Variants in ARHGAP6 observed in about 807,000 individuals in gnomAD.
The protein encoded by ARHGAP6 is rho GTPase-activating protein 6.
A neutral mutation model predicts 55.7 loss-of-function variants in ARHGAP6; 16 were observed. That is an observed-to-expected ratio of 0.29 (90% CI 0.19 to 0.44). ARHGAP6 has a LOEUF of 0.44. Among genes scored for constraint, ARHGAP6 ranks in the 20% least tolerant of loss-of-function variants. The pLI is 1.00. For missense variants in ARHGAP6, 698 were observed against 808.9 expected, an observed-to-expected ratio of 0.86 and a Z score of 1.66; for synonymous variants, 382 against 360.9, an observed-to-expected ratio of 1.06 and a Z score of -0.66.
chrX:11,204,434 C>T (rs1198435166), intron 2 of ARHGAP6, among the ~76,000 whole-genome samples: 6 of 111,561 alleles, frequency 5.4e-5, no homozygotes, highest in Non-Finnish European at 7.5e-5. Context: ...GAGACTGAGA[C>T]GATAACATAA....
At chrX:11,604,760 G>A (rs1455667958) in intron 1 of ARHGAP6, among the ~76,000 whole-genome samples, 1 of 112,383 alleles carries the variant, frequency 8.9e-6, no homozygotes, top group Non-Finnish European at 1.9e-5. Flanking sequence ...AGAAAGAAGA[G>A]TTGACTTGCA....
intron 1 of ARHGAP6, among the ~76,000 whole-genome samples, chrX:11,398,539 G>T (rs1603176758): frequency 1.8e-5 from 2 of 111,526 alleles, no homozygotes; most frequent in East Asian, 5.6e-4. Flanking sequence ...TTTTTTCCTA[G>T]ATATAAGAAA....
intron 1 of ARHGAP6, among the ~76,000 whole-genome samples, chrX:11,605,091 T>C (rs1248087872): frequency 9.0e-6 from 1 of 111,388 alleles, no homozygotes; most frequent in Non-Finnish European, 1.9e-5. Context: ...TGGGAAGCCA[T>C]GCTAAGTAAC....
At chrX:11,334,729 A>C (rs770219512) in intron 1 of ARHGAP6, 37 of 231,635 alleles carry the variant, frequency 1.6e-4, no homozygotes, top group African/African-American at 1.0e-3. Flanking sequence ...GCTCTGTTCA[A>C]TGAAGTTGCA....
At chrX:11,518,316 A>G (rs1328242886) in intron 1 of ARHGAP6, among the ~76,000 whole-genome samples, 1 of 109,583 alleles carries the variant, frequency 9.1e-6, no homozygotes, top group African/African-American at 3.3e-5. Context: ...ATTATTTTCA[A>G]TTGTTTTTCG....
intron 1 of ARHGAP6, among the ~76,000 whole-genome samples, chrX:11,443,500 C>T (rs2050062511): frequency 8.9e-6 from 1 of 111,973 alleles, no homozygotes; most frequent in Non-Finnish European, 1.9e-5. Flanking sequence ...TTATACCAAC[C>T]CACAGTGCCA....
rs1460351842 is a variant in ARHGAP6 at position 11,521,560 on chromosome X, G to A, written c.588+142681C>T. Among the ~76,000 whole-genome samples the A allele has an allele frequency of 2.7e-5, 3 of 111,881 alleles. No homozygotes were observed. The East Asian group carries it at 8.3e-4, about 31-fold the overall frequency. ...GTACCATGCTGTTTTGGTTACTGTA[G>A]CCTTATAGTGTAGTTTGAAGTCAGG... On this transcript the variant is annotated intron_variant, in intron 1 of 12. Transcript: ENST00000337414.
At position 11,263,715 on chromosome X, in the gene ARHGAP6, C is replaced by T. The variant is rs2047589970; in HGVS notation, c.589-9008G>A. On this transcript the variant is annotated intron_variant, in intron 1 of 12. Transcript: ENST00000337414. ...CAGAGACTGGTTGACATAGGTATAG[C>T]ATAGCCTGGTGGCTAAAAGCAAGGG... Among the ~76,000 whole-genome samples, 3 of 111,395 alleles carry T rather than the reference C, an allele frequency of 2.7e-5. No individual in the cohort carries two copies. In the South Asian group the frequency reaches 1.1e-3, roughly 42 times the overall value.
chrX:11,656,602 A>T (rs1307718792), intron 1 of ARHGAP6, among the ~76,000 whole-genome samples: 1 of 111,183 alleles, frequency 9.0e-6, no homozygotes, highest in Non-Finnish European at 1.9e-5. Context: ...GAAGTGTAGC[A>T]TCTTCAAAAT....
chrX:11,483,395 T>C (rs1265678768), intron 1 of ARHGAP6, among the ~76,000 whole-genome samples: 1 of 111,910 alleles, frequency 8.9e-6, no homozygotes, highest in East Asian at 2.8e-4. Flanking sequence ...TAAAGAGAAG[T>C]CCACTGGGGG....
chrX:11,417,105 T>TATATATATAC (rs1406504776), intron 1 of ARHGAP6, among the ~76,000 whole-genome samples: 30 of 75,838 alleles, frequency 4.0e-4, no homozygotes, highest in African/African-American at 1.4e-3. Flanking sequence ...TATATATATA[T>TATATATATAC]ACACATACAT....
chrX:11,334,699 TGACAGA>T (rs1243393167), intron 1 of ARHGAP6: 8 of 189,414 alleles, frequency 4.2e-5, no homozygotes, highest in Non-Finnish European at 3.0e-5. Context: ...GGCACATGAT[TGACAGA>T]GACAAACATT....
At chrX:11,400,170 A>G (rs1316858714) in intron 1 of ARHGAP6, among the ~76,000 whole-genome samples, 2 of 111,857 alleles carry the variant, frequency 1.8e-5, no homozygotes, top group Non-Finnish European at 3.8e-5. Flanking sequence ...AATTCTGTGA[A>G]TATACTAAAA....
intron 1 of ARHGAP6, among the ~76,000 whole-genome samples, chrX:11,376,789 G>T (rs752657536): frequency 9.0e-6 from 1 of 111,429 alleles, no homozygotes; most frequent in South Asian, 3.8e-4. Flanking sequence ...ATATTGTCAG[G>T]TCTGATCATT....
chrX:11,193,514 T>C (rs1166432818), intron 3 of ARHGAP6, among the ~76,000 whole-genome samples: 2 of 113,015 alleles, frequency 1.8e-5, no homozygotes, highest in Non-Finnish European at 3.7e-5. Context: ...AAAGATGCCA[T>C]GTAATTAACC....
chrX:11,417,805 C>A (rs1173071679), intron 1 of ARHGAP6, among the ~76,000 whole-genome samples: 1 of 111,841 alleles, frequency 8.9e-6, no homozygotes, highest in Non-Finnish European at 1.9e-5. Flanking sequence ...TGAGTCCCAG[C>A]CCCACTACGT....
chrX:11,272,878 G>A (rs2047708660), intron 1 of ARHGAP6, among the ~76,000 whole-genome samples: 2 of 111,810 alleles, frequency 1.8e-5, no homozygotes, highest in African/African-American at 6.5e-5. Context: ...CAGTGTTATA[G>A]CACAGTGGTT....
chrX:11,236,157 C>T (rs185632949), intron 2 of ARHGAP6, among the ~76,000 whole-genome samples: 73 of 111,921 alleles, frequency 6.5e-4, no homozygotes, highest in Admixed American at 1.3e-3. Flanking sequence ...GACTCAGTTT[C>T]GCAGGGCTGG....
intron 1 of ARHGAP6, among the ~76,000 whole-genome samples, chrX:11,497,029 T>C (rs1189977389): frequency 9.0e-6 from 1 of 111,704 alleles, no homozygotes; most frequent in African/African-American, 3.3e-5. Flanking sequence ...CTGCTATGGA[T>C]ACATCTTTTA....
Sources: gnomAD v4.1 joint callset for allele counts (sites outside exome capture counted in the v4.1 genomes callset) on GRCh38, gnomAD v4.1.1 for gene constraint, MANE v1.5 for transcripts, NCBI Gene and HGNC (gene_info 2026-07-23, HGNC 2026-07-21) for gene names.